The following RBMS1 variants were observed in gnomAD, a reference collection of about 807,000 sequenced individuals.
RBMS1 encodes the protein RNA binding motif single stranded interacting protein 1, also known as RNA-binding motif, single-stranded-interacting protein 1.
In RBMS1, 17 loss-of-function variants were observed where a neutral mutation model predicts 62.3. The observed-to-expected ratio is 0.27, with a 90% CI of 0.19 to 0.41. RBMS1 has a LOEUF of 0.41. Ranked by LOEUF, RBMS1 falls within the 10% of genes least tolerant of loss-of-function variation. The pLI is 1.00. For missense variants in RBMS1, 334 were observed against 504.5 expected (o/e 0.66, Z 3.24); for synonymous variants, 172 against 170.0 (o/e 1.01, Z -0.09).
intron 6 of RBMS1, 89 bp downstream of exon 6, chr2:160,300,562 T>C: frequency 7.1e-7 from 1 of 1,407,250 alleles, no homozygotes; most frequent in South Asian, 1.9e-5. Context: ...AAATGAGGGG[T>C]TTTTGTTCTA....
intron 1 of RBMS1, chr2:160,432,238 A>T (rs1682927912): frequency 6.6e-6 from 1 of 152,208 alleles, no homozygotes; most frequent in Admixed American, 6.5e-5. Flanking sequence ...TGATCCAGTA[A>T]TATGAAGAGA....
intron 1 of RBMS1, among the ~76,000 whole-genome samples, chr2:160,465,855 C>A (rs1014564498): frequency 8.0e-6 from 1 of 124,614 alleles, no homozygotes; most frequent in Admixed American, 8.3e-5. Flanking sequence ...CACACACACA[C>A]ACACACACAT....
At chr2:160,430,137 A>G (rs1364407236) in intron 1 of RBMS1, among the ~76,000 whole-genome samples, 2 of 152,230 alleles carry the variant, frequency 1.3e-5, no homozygotes, top group African/African-American at 4.8e-5. Flanking sequence ...TGAGCTCCCA[A>G]CTGCATGCAG....
chr2:160,396,496 TCCTCTCTGAAGCAGCCTGTTTCA>T (rs1695144506), intron 1 of RBMS1, among the ~76,000 whole-genome samples: 1 of 151,428 alleles, frequency 6.6e-6, no homozygotes, highest in Admixed American at 6.6e-5. Context: ...CCTCAGAACT[TCCTCTCTGAAGCAGCCTGTTTCA>T]CCTCTCTCTC....
chr2:160,321,332 C>T (rs560680090), intron 2 of RBMS1, among the ~76,000 whole-genome samples: 2 of 152,028 alleles, frequency 1.3e-5, no homozygotes, highest in Non-Finnish European at 2.9e-5. Flanking sequence ...GGTTCTTTGC[C>T]CATTCAGCTT....
At chr2:160,462,702 G>A (rs988231784) in intron 1 of RBMS1, among the ~76,000 whole-genome samples, 3 of 152,176 alleles carry the variant, frequency 2.0e-5, no homozygotes, top group South Asian at 4.2e-4. Flanking sequence ...TCTGCCTCTC[G>A]GGTTCAAGCG....
Position 160,493,675 on chromosome 2 carries a change from TGCTCCG to T in RBMS1, c.-318_-313del. On this transcript the variant is annotated 5_prime_UTR_variant, in exon 1 of 14. Transcript: ENST00000348849. Reference sequence around the variant, plus strand: ...AAGGAGTTTCCTCCCGGAGCCCGACTGCTCCGGGGCTGCCAAGGGCTGGCGCGCTGG... The same window carrying T: ...AAGGAGTTTCCTCCCGGAGCCCGACTGGGCTGCCAAGGGCTGGCGCGCTGG... The T allele has an allele frequency of 2.3e-6, 1 of 431,720 alleles. No homozygotes were observed. 26.7% of individuals were successfully genotyped at this position (431,720 alleles called of 1,614,324 possible).
chr2:160,288,701 TA>T (rs1476718857), intron 6 of RBMS1, among the ~76,000 whole-genome samples: 12 of 152,178 alleles, frequency 7.9e-5, no homozygotes, highest in African/African-American at 2.2e-4. Context: ...TGACTCCACA[TA>T]ATCTCGTAGA....
intron 1 of RBMS1, among the ~76,000 whole-genome samples, chr2:160,383,366 CTTAA>C (rs1346577836): frequency 6.7e-6 from 1 of 150,088 alleles, no homozygotes; most frequent in Non-Finnish European, 1.5e-5. Flanking sequence ...TCTCAAGATC[CTTAA>C]TTAATTCTAC....
rs79053356 is a variant in RBMS1 at position 160,473,468 on chromosome 2, T to C, written c.75+19821A>G. 3.4e-3 allele frequency among the ~76,000 whole-genome samples: 513 copies of C among 152,302 alleles called. 5 individuals are homozygous for C. The highest frequency in any genetic ancestry group is 0.012 in the African/African-American group (492 of 41,556). ...GCAAAATTCATGTTTTTATATACTC[T>C]TGAAGCAGACCCTAATTTCTGTGCT... is the stretch of plus-strand genomic sequence containing the variant. On this transcript the variant is annotated intron_variant, in intron 1 of 13. Transcript: ENST00000348849.
At chr2:160,375,489 A>C (rs1034779152) in intron 1 of RBMS1, among the ~76,000 whole-genome samples, 1 of 152,246 alleles carries the variant, frequency 6.6e-6, no homozygotes. Flanking sequence ...ACAATATTAC[A>C]GCTGAAATAA....
In RBMS1 at chr2:160,281,506, C is replaced by T. The variant is rs1688103620; in HGVS notation, c.901-142G>A. 7 of 630,248 alleles carry T rather than the reference C, an allele frequency of 1.1e-5. No homozygotes were observed. The South Asian group carries it at 1.9e-4, about 17-fold the overall frequency. The allele number at this position is 630,248 out of a possible 1,614,324, so 39.0% of individuals were successfully genotyped here. On this transcript the variant is annotated intron_variant, in intron 9 of 13. Transcript: ENST00000348849. Reference sequence around the variant, plus strand: ...CTATCAATGATTAAAAAGATTAAGGCAGTTAGAATTCTTGGCAAACTGGTC... The same window carrying T: ...CTATCAATGATTAAAAAGATTAAGGTAGTTAGAATTCTTGGCAAACTGGTC...
At chr2:160,402,916 G>C (rs1695511803) in intron 1 of RBMS1, among the ~76,000 whole-genome samples, 1 of 152,038 alleles carries the variant, frequency 6.6e-6, no homozygotes, top group Admixed American at 6.5e-5. Context: ...TCAGAAACCT[G>C]GATCAGATAG....
At chr2:160,331,613 C>T (rs1312006987) in intron 2 of RBMS1, among the ~76,000 whole-genome samples, 1 of 152,160 alleles carries the variant, frequency 6.6e-6, no homozygotes, top group Non-Finnish European at 1.5e-5. Context: ...ATAAATAAGA[C>T]AGCCTGTTTT....
chr2:160,396,550 CTTTTTTTTTTTTTTTT>C (rs59600753), intron 1 of RBMS1, among the ~76,000 whole-genome samples: 1 of 77,850 alleles, frequency 1.3e-5, no homozygotes, highest in East Asian at 4.6e-4. Context: ...TTCTTTTTAT[CTTTTTTTTTTTTTTTT>C]TTTTTTTTTT....
intron 1 of RBMS1, among the ~76,000 whole-genome samples, chr2:160,447,028 A>G (rs1683682831): frequency 6.6e-6 from 1 of 152,252 alleles, no homozygotes; most frequent in Non-Finnish European, 1.5e-5. Context: ...TGAGAATGCA[A>G]AGTAGAATGT....
intron 1 of RBMS1, among the ~76,000 whole-genome samples, chr2:160,426,413 A>T (rs1036320443): frequency 1.3e-5 from 2 of 152,128 alleles, no homozygotes; most frequent in African/African-American, 4.8e-5. Flanking sequence ...GCTGTCTCTA[A>T]TTTTTTAAAA....
At chr2:160,416,572 G>A (rs1283574446) in intron 1 of RBMS1, among the ~76,000 whole-genome samples, 2 of 152,060 alleles carry the variant, frequency 1.3e-5, no homozygotes, top group Non-Finnish European at 2.9e-5. Flanking sequence ...AGGCAGGACA[G>A]GTATTCTTAC....
At chr2:160,483,428 T>C (rs1685451872) in intron 1 of RBMS1, among the ~76,000 whole-genome samples, 1 of 152,228 alleles carries the variant, frequency 6.6e-6, no homozygotes, top group Non-Finnish European at 1.5e-5. Context: ...TATTACATCA[T>C]GTCTATGGTT....
Sources: gnomAD v4.1 joint callset for allele counts (sites outside exome capture counted in the v4.1 genomes callset) on GRCh38, gnomAD v4.1.1 for gene constraint, MANE v1.5 for transcripts, NCBI Gene and HGNC (gene_info 2026-07-23, HGNC 2026-07-21) for gene names.